The following PCDH11Y variants were observed in gnomAD, a reference collection of about 807,000 sequenced individuals.
The protein encoded by PCDH11Y is protocadherin-11 Y-linked.
For missense variants in PCDH11Y, 12 were observed against 224.8 expected (o/e 0.05, Z 6.05); for synonymous variants, 9 against 83.6 (o/e 0.11, Z 4.87).
intron 2 of PCDH11Y, among the ~76,000 whole-genome samples, chrY:5,330,397 G>A (rs2053129835): frequency 3.0e-5 from 1 of 33,668 alleles, no homozygotes; most frequent in Non-Finnish European, 7.3e-5. Context: ...CAGGGGATGC[G>A]ATGGCTTGGC....
chrY:5,582,715 T>C (rs2124697562), intron 4 of PCDH11Y, among the ~76,000 whole-genome samples: 1 of 29,307 alleles, frequency 3.4e-5, no homozygotes, highest in South Asian at 8.1e-4. Context: ...TCTTTAATTT[T>C]GACATATTAG....
chrY:5,071,750 C>T, intron 1 of PCDH11Y, among the ~76,000 whole-genome samples: 2 of 31,924 alleles, frequency 6.3e-5, no homozygotes, highest in African/African-American at 2.4e-4. Context: ...TTGCTACATT[C>T]GTTTTGAAGA....
chrY:5,193,244 G>T (rs2052914611), intron 2 of PCDH11Y, among the ~76,000 whole-genome samples: 1 of 32,714 alleles, frequency 3.1e-5, no homozygotes, highest in Non-Finnish European at 7.5e-5. Context: ...TTTTTCTGAG[G>T]CTAATAAGAC....
intron 1 of PCDH11Y, among the ~76,000 whole-genome samples, chrY:5,027,112 A>T (rs73612973): frequency 1.1e-3 from 33 of 30,782 alleles, no homozygotes; most frequent in Admixed American, 2.5e-3. Flanking sequence ...CATTTTTTTT[A>T]AAAAAATTAG....
intron 3 of PCDH11Y, among the ~76,000 whole-genome samples, chrY:5,047,119 G>A: frequency 3.0e-5 from 1 of 33,637 alleles, no homozygotes; most frequent in African/African-American, 1.1e-4. Context: ...GTTCCTATTC[G>A]GCCATCTTGG....
intron 4 of PCDH11Y, among the ~76,000 whole-genome samples, chrY:5,724,813 C>T: frequency 2.7e-4 from 9 of 33,094 alleles, no homozygotes; most frequent in Non-Finnish European, 5.3e-4. Flanking sequence ...AACAAAAGTC[C>T]TTCTTATCTT....
intron 2 of PCDH11Y, among the ~76,000 whole-genome samples, chrY:5,330,131 G>A: frequency 3.1e-4 from 10 of 32,531 alleles, no homozygotes; most frequent in Non-Finnish European, 6.8e-4. Context: ...GTAGGTAAAG[G>A]AAAATTACAG....
At chrY:5,436,762 A>G in intron 2 of PCDH11Y, among the ~76,000 whole-genome samples, 1 of 33,313 alleles carries the variant, frequency 3.0e-5, no homozygotes, top group African/African-American at 1.2e-4. Flanking sequence ...AGTAGTTACA[A>G]GAAGTGTTTC....
At chrY:5,740,020 AAC>A (rs2053615378) in exon 5 of PCDH11Y, 2 of 32,871 alleles carry the variant, frequency 6.1e-5, no homozygotes. Flanking sequence ...TAGATTTTAG[AAC>A]ATTCTTTGCC....
At chrY:5,189,784 G>A in intron 2 of PCDH11Y, among the ~76,000 whole-genome samples, 2 of 33,762 alleles carry the variant, frequency 5.9e-5, no homozygotes, top group Admixed American at 5.4e-4. Flanking sequence ...TAAACTTAAA[G>A]TTATTGGAAC....
intron 4 of PCDH11Y, among the ~76,000 whole-genome samples, chrY:5,602,883 TA>T (rs2053474027): frequency 3.4e-5 from 1 of 29,063 alleles, no homozygotes; most frequent in Non-Finnish European, 8.3e-5. Flanking sequence ...CACATATATA[TA>T]AAAATTTATA....
In PCDH11Y at chrY:5,580,688, T is replaced by C; in HGVS notation, c.3329-1087T>C. On this transcript the variant is annotated intron_variant, in intron 3 of 4. Coordinates refer to the PCDH11Y transcript ENST00000400457. ...AGATGAAACATCTTGCAATGAGAAATAAATGTGCTGTTTGTCAGTGACACT... is the reference window on the plus strand; with the variant it reads ...AGATGAAACATCTTGCAATGAGAAACAAATGTGCTGTTTGTCAGTGACACT... Among the ~76,000 whole-genome samples, 3 of 32,856 alleles carry C rather than the reference T, an allele frequency of 9.1e-5. No individual in the cohort carries two copies. In the East Asian group the frequency reaches 2.4e-3, roughly 26 times the overall value. The allele number at this position is 32,856 out of a possible 37,273, so 88.1% of individuals were successfully genotyped here.
chrY:5,483,368 G>C, intron 2 of PCDH11Y, among the ~76,000 whole-genome samples: 1 of 31,679 alleles, frequency 3.2e-5, no homozygotes, highest in East Asian at 8.1e-4. Flanking sequence ...TAAGGGTTTA[G>C]GTACTTTTGG....
intron 2 of PCDH11Y, among the ~76,000 whole-genome samples, chrY:5,230,717 C>T: frequency 6.4e-5 from 2 of 31,069 alleles, no homozygotes; most frequent in Admixed American, 3.0e-4. Context: ...TGTTATTATC[C>T]CTTTGAATTA....
At chrY:5,384,075 A>G (rs2053208429) in intron 2 of PCDH11Y, among the ~76,000 whole-genome samples, 1 of 33,825 alleles carries the variant, frequency 3.0e-5, no homozygotes, top group Non-Finnish European at 7.3e-5. Context: ...TGGCATGCTA[A>G]TAATTCTTGC....
At chrY:5,107,008 C>A (rs2124637971), downstream of PCDH11Y, among the ~76,000 whole-genome samples, 5 of 30,995 alleles carry the variant, frequency 1.6e-4, no homozygotes, top group African/African-American at 6.3e-4. Flanking sequence ...AATGCATTTG[C>A]ATTTTTATTG....
chrY:5,558,549 C>G (rs2053425787), intron 3 of PCDH11Y, among the ~76,000 whole-genome samples: 1 of 27,435 alleles, frequency 3.6e-5, no homozygotes, highest in Non-Finnish European at 8.5e-5. Flanking sequence ...CCCAGAGGAT[C>G]ATGTATATTT....
chrY:5,107,065 C>G (rs1474433780), downstream of PCDH11Y, among the ~76,000 whole-genome samples: 5 of 32,012 alleles, frequency 1.6e-4, no homozygotes, highest in Admixed American at 2.9e-4. Context: ...TCTGCACACA[C>G]TGAACTAAGG....
chrY:5,223,301 T>C, intron 2 of PCDH11Y, among the ~76,000 whole-genome samples: 2 of 33,219 alleles, frequency 6.0e-5, no homozygotes, highest in South Asian at 1.3e-3. Context: ...ATGTAATTTT[T>C]TCCTCTCCAT....
Sources: gnomAD v4.1 joint callset for allele counts (sites outside exome capture counted in the v4.1 genomes callset) on GRCh38, gnomAD v4.1.1 for gene constraint, MANE v1.5 for transcripts, NCBI Gene and HGNC (gene_info 2026-07-23, HGNC 2026-07-21) for gene names.